OCA2: variants seen among roughly 807,000 people sequenced by gnomAD.
OCA2 encodes the protein OCA2 melanosomal transmembrane protein.
A neutral mutation model predicts 100.2 loss-of-function variants in OCA2; 77 were observed. The ratio of observed to expected loss-of-function variants is 0.77; its 90% CI spans 0.64 to 0.93. The LOEUF (loss-of-function observed/expected upper bound fraction) is 0.93, where lower values mean the gene tolerates loss of function less well. OCA2 is among the 40% of genes least tolerant of loss of function. The pLI is 0.00. For synonymous variants in OCA2, 432 were observed against 439.2 expected (o/e 0.98, Z 0.21); for missense variants, 1,062 against 1,089.1 (o/e 0.98, Z 0.35).
chr15:27,935,217 G>C (rs923450714), intron 18 of OCA2, among the ~76,000 whole-genome samples: 1 of 152,192 alleles, frequency 6.6e-6, no homozygotes, highest in Non-Finnish European at 1.5e-5. Context: ...GAGTGGAGAT[G>C]AATACAGATA....
chr15:27,737,321 T>C, the OCA2 span, among the ~76,000 whole-genome samples: 1 of 152,194 alleles, frequency 6.6e-6, no homozygotes, highest in Non-Finnish European at 1.5e-5. Flanking sequence ...AATATATTTA[T>C]TTATGAAAAT....
chr15:27,755,147 GTTATCTCAC>G lies in OCA2; in HGVS notation c.*232_*240del, dbSNP rs1192230690. The G allele has an allele frequency of 1.2e-5, 6 of 486,098 alleles. No individual in the cohort carries two copies. In the Admixed American group the frequency reaches 1.9e-4, roughly 15 times the overall value. The allele number at this position is 486,098 out of a possible 1,614,324, so 30.1% of individuals were successfully genotyped here. On this transcript the variant is annotated 3_prime_UTR_variant, in exon 24 of 24. Transcript: ENST00000354638. ...TTTTCTGGAGGGGAATCTTGAGTAA[GTTATCTCAC>G]ATCTTTCTACATTTTGTCCTTGGGG...
At chr15:27,914,148 G>T (rs1482697366) in intron 19 of OCA2, among the ~76,000 whole-genome samples, 1 of 151,932 alleles carries the variant, frequency 6.6e-6, no homozygotes, top group Non-Finnish European at 1.5e-5. Context: ...CATGATCATC[G>T]CCATAGATGC....
intron 9 of OCA2, 48 bp from the exon 10 acceptor site, chr15:27,990,695 T>C: frequency 6.5e-7 from 1 of 1,534,584 alleles, no homozygotes. Context: ...ACGAGGGAGT[T>C]AGCACACACG....
At chr15:27,997,022 A>AGAGAAAGAAAGT (rs1216417836) in intron 9 of OCA2, among the ~76,000 whole-genome samples, 1 of 99,096 alleles carries the variant, frequency 1.0e-5, no homozygotes, top group African/African-American at 2.6e-5. Flanking sequence ...AGAAAGAAAG[A>AGAGAAAGAAAGT]AAGAAAGAGA....
intron 9 of OCA2, 111 bp downstream of exon 9, chr15:28,014,665 A>G (rs1242729936): frequency 3.5e-5 from 40 of 1,138,234 alleles, no homozygotes; most frequent in Non-Finnish European, 4.7e-5. Context: ...TGATGACACT[A>G]GTCCAGTTTG....
chr15:27,933,545 A>G (rs1329101138), intron 18 of OCA2, among the ~76,000 whole-genome samples: 1 of 152,192 alleles, frequency 6.6e-6, no homozygotes, highest in African/African-American at 2.4e-5. Context: ...GGTGCAGGCG[A>G]GCTGAGTTCG....
intron 18 of OCA2, among the ~76,000 whole-genome samples, chr15:27,926,661 G>A (rs1450873504): frequency 6.6e-6 from 1 of 152,044 alleles, no homozygotes; most frequent in East Asian, 1.9e-4. Context: ...GTTTTGCTCT[G>A]TCACCCAGGC....
intron 7 of OCA2, 25 bp downstream of exon 7, chr15:28,018,372 C>G (rs1311539531): frequency 1.2e-6 from 2 of 1,610,212 alleles, no homozygotes; most frequent in South Asian, 2.2e-5. Context: ...TTCACAATTC[C>G]TTTCAAATAA....
chr15:27,842,340 C>T (rs2035372354), intron 23 of OCA2, among the ~76,000 whole-genome samples: 1 of 152,120 alleles, frequency 6.6e-6, no homozygotes, highest in South Asian at 2.1e-4. Context: ...TTATAGGTTA[C>T]TTTTGTATTT....
intron 15 of OCA2, among the ~76,000 whole-genome samples, chr15:27,963,117 A>G (rs780356039): frequency 1.6e-4 from 25 of 152,212 alleles, no homozygotes; most frequent in Non-Finnish European, 2.8e-4. Context: ...CTAATAGTAA[A>G]CTTTTAAAAT....
intron 9 of OCA2, among the ~76,000 whole-genome samples, chr15:27,998,685 C>A (rs1595791869): frequency 7.4e-6 from 1 of 135,022 alleles, no homozygotes; most frequent in African/African-American, 2.7e-5. Flanking sequence ...TTGACCCAGC[C>A]ATCCCATTAC....
At chr15:27,843,729 A>G (rs2035427496) in intron 23 of OCA2, among the ~76,000 whole-genome samples, 2 of 152,188 alleles carry the variant, frequency 1.3e-5, no homozygotes, top group African/African-American at 4.8e-5. Context: ...CTTACGAACC[A>G]TGGAAATGGC....
chr15:27,788,534 A>G (rs1267174719), intron 23 of OCA2, among the ~76,000 whole-genome samples: 1 of 152,070 alleles, frequency 6.6e-6, no homozygotes, highest in Non-Finnish European at 1.5e-5. Context: ...TTATGTTTGC[A>G]CCATTCCATT....
intron 2 of OCA2, among the ~76,000 whole-genome samples, chr15:28,051,746 C>A (rs1330040400): frequency 6.6e-6 from 1 of 152,002 alleles, no homozygotes; most frequent in Non-Finnish European, 1.5e-5. Context: ...TCCCAGCCTC[C>A]AGACCAGGTG....
At chr15:28,086,429 T>C (rs1012149826) in intron 1 of OCA2, among the ~76,000 whole-genome samples, 18 of 152,322 alleles carry the variant, frequency 1.2e-4, no homozygotes, top group Non-Finnish European at 1.8e-4. Flanking sequence ...TTGGGGAACC[T>C]GAACTTCTAA....
the OCA2 span, among the ~76,000 whole-genome samples, chr15:27,745,626 T>C: frequency 0.011 from 1,667 of 152,334 alleles, 27 homozygotes; most frequent in African/African-American, 0.038. Context: ...CTGCAATGCT[T>C]TCTCTTGTGG....
At chr15:27,878,268 T>C (rs1337138079) in intron 19 of OCA2, among the ~76,000 whole-genome samples, 1 of 152,060 alleles carries the variant, frequency 6.6e-6, no homozygotes, top group Non-Finnish European at 1.5e-5. Context: ...GGGAAAAACG[T>C]TATCTTTTAC....
Position 27,774,733 on chromosome 15 carries a change from A to G in OCA2, c.2433-19261T>C, listed in dbSNP as rs1210208688. Among the ~76,000 whole-genome samples, 7 of 152,170 alleles carry G rather than the reference A, an allele frequency of 4.6e-5. No individual in the cohort carries two copies. The East Asian group carries it at 1.4e-3, about 29-fold the overall frequency. On this transcript the variant is annotated intron_variant, in intron 23 of 23. Coordinates refer to ENST00000354638, the MANE Select transcript of OCA2 (RefSeq NM_000275.3). ...ATGAGGCCCTTGGGATGGGGCCCCA[A>G]TCCGGGAAAACAGGTGTCCTTATAA...
Sources: allele counts gnomAD v4.1 joint callset (sites outside exome capture counted in the v4.1 genomes callset), GRCh38; gene constraint gnomAD v4.1.1; transcripts MANE v1.5; gene names NCBI Gene and HGNC (gene_info 2026-07-23, HGNC 2026-07-21).